Variants in CRIM1 observed in about 807,000 individuals in gnomAD.
The protein encoded by CRIM1 is cysteine rich transmembrane BMP regulator 1.
In CRIM1, 32 loss-of-function variants were observed where a neutral mutation model predicts 116.4. The ratio of observed to expected loss-of-function variants is 0.27; its 90% CI spans 0.21 to 0.37. The LOEUF (loss-of-function observed/expected upper bound fraction) is 0.37, where lower values mean the gene tolerates loss of function less well. Among genes scored for constraint, CRIM1 ranks in the 10% least tolerant of loss-of-function variants. The pLI is 1.00. For missense variants in CRIM1, 1,331 were observed against 1,354.8 expected (o/e 0.98, Z 0.28); for synonymous variants, 590 against 509.2 (o/e 1.16, Z -2.13).
chr2:36,516,917 C>G (rs1159916890), intron 11 of CRIM1, among the ~76,000 whole-genome samples: 1 of 152,158 alleles, frequency 6.6e-6, no homozygotes, highest in African/African-American at 2.4e-5. Context: ...AATGAAATAA[C>G]ACATGTGAAG....
chr2:36,361,813 C>T (rs1041350249), intron 1 of CRIM1, among the ~76,000 whole-genome samples: 5 of 152,062 alleles, frequency 3.3e-5, no homozygotes, highest in Non-Finnish European at 7.4e-5. Flanking sequence ...CACTGTGTTC[C>T]GTATGGCACG....
chr2:36,546,496 C>CTGAT (rs1042568376), intron 15 of CRIM1, among the ~76,000 whole-genome samples: 2 of 152,074 alleles, frequency 1.3e-5, no homozygotes, highest in African/African-American at 4.8e-5. Flanking sequence ...GACCAACTTC[C>CTGAT]TGATTGATTA....
intron 2 of CRIM1, among the ~76,000 whole-genome samples, chr2:36,404,480 C>T (rs1016130883): frequency 2.0e-5 from 3 of 152,092 alleles, no homozygotes; most frequent in East Asian, 1.9e-4. Flanking sequence ...AAGTACCTTC[C>T]GAGGCGACCG....
chr2:36,381,594 A>G (rs1558519713), intron 1 of CRIM1, among the ~76,000 whole-genome samples: 2 of 152,204 alleles, frequency 1.3e-5, no homozygotes, highest in Non-Finnish European at 2.9e-5. Flanking sequence ...CACTTTAGAA[A>G]CCAAGTATAT....
At chr2:36,433,666 C>T (rs1020114954) in intron 2 of CRIM1, among the ~76,000 whole-genome samples, 4 of 152,142 alleles carry the variant, frequency 2.6e-5, no homozygotes, top group Non-Finnish European at 4.4e-5. Context: ...GAGGTGGGAT[C>T]CAGACAGTGG....
At chr2:36,512,157 A>G in intron 9 of CRIM1, 116 bp from the exon 10 acceptor site, 1 of 1,260,214 alleles carries the variant, frequency 7.9e-7, no homozygotes, top group South Asian at 1.5e-5. Context: ...TTGAGAGCAA[A>G]AGTCAAGTCA....
Position 36,455,496 on chromosome 2 carries a change from C to G in CRIM1, c.870-9038C>G, listed in dbSNP as rs149732480. Among the ~76,000 whole-genome samples the G allele has an allele frequency of 3.6e-3, 553 of 152,278 alleles. 5 individuals carry two copies. Among genetic ancestry groups the G allele is most frequent in the African/African-American group, 0.012 (503 of 41,554 alleles). ...CAAGGTCACATAGTTCCTAAGCGGC[C>G]AGAACTTGAACCTAAGACTGTGTTG... On this transcript the variant is annotated intron_variant, in intron 4 of 16. Coordinates refer to ENST00000280527, the MANE Select transcript of CRIM1 (RefSeq NM_016441.3).
chr2:36,512,542 T>C, intron 10 of CRIM1, 148 bp downstream of exon 10: 1 of 734,466 alleles, frequency 1.4e-6, no homozygotes, highest in Non-Finnish European at 2.1e-6. Flanking sequence ...CCCACAGGAC[T>C]CCCTTTTCCT....
chr2:36,358,820 A>G (rs1669029830), intron 1 of CRIM1, among the ~76,000 whole-genome samples: 1 of 152,202 alleles, frequency 6.6e-6, no homozygotes, highest in Non-Finnish European at 1.5e-5. Context: ...AAATCTGTGA[A>G]ACCAAAGTAA....
At chr2:36,460,526 A>ACCGGG (rs1223037418) in intron 4 of CRIM1, among the ~76,000 whole-genome samples, 10 of 152,200 alleles carry the variant, frequency 6.6e-5, no homozygotes, top group African/African-American at 1.9e-4. Flanking sequence ...GTGAATACTT[A>ACCGGG]TCGTAAGTGA....
intron 1 of CRIM1, among the ~76,000 whole-genome samples, chr2:36,367,983 G>C (rs573595229): frequency 1.3e-5 from 2 of 152,302 alleles, no homozygotes; most frequent in South Asian, 2.1e-4. Context: ...AGCGAAGACA[G>C]GCCAAAACTT....
chr2:36,421,988 T>C (rs1428206699), intron 2 of CRIM1, among the ~76,000 whole-genome samples: 1 of 152,048 alleles, frequency 6.6e-6, no homozygotes, highest in Non-Finnish European at 1.5e-5. Flanking sequence ...GAGAATTCTA[T>C]TTTTGCTAAA....
intron 2 of CRIM1, among the ~76,000 whole-genome samples, chr2:36,414,501 C>T (rs1242322373): frequency 6.7e-6 from 1 of 150,320 alleles, no homozygotes; most frequent in Non-Finnish European, 1.5e-5. Context: ...AGGTTCTAGT[C>T]CCCCCCCGAG....
At chr2:36,507,612 A>AT (rs1022865474) in intron 8 of CRIM1, among the ~76,000 whole-genome samples, 2 of 152,244 alleles carry the variant, frequency 1.3e-5, no homozygotes, top group African/African-American at 4.8e-5. Flanking sequence ...GCACTAGAGC[A>AT]TCCCACTCCT....
At chr2:36,421,171 T>C (rs754624581) in intron 2 of CRIM1, among the ~76,000 whole-genome samples, 1 of 152,220 alleles carries the variant, frequency 6.6e-6, no homozygotes, top group Non-Finnish European at 1.5e-5. Flanking sequence ...GTAAGATGAA[T>C]ACAGAGATAC....
At chr2:36,408,615 C>G (rs1317703071) in intron 2 of CRIM1, among the ~76,000 whole-genome samples, 1 of 152,230 alleles carries the variant, frequency 6.6e-6, no homozygotes, top group East Asian at 1.9e-4. Flanking sequence ...TTCTCCGCCT[C>G]CTGCAGAGCG....
intron 7 of CRIM1, among the ~76,000 whole-genome samples, chr2:36,496,631 ATTTG>A (rs1464436438): frequency 2.6e-5 from 4 of 152,190 alleles, no homozygotes. Context: ...ATGCAATTTT[ATTTG>A]TTCAAGTGAA....
intron 8 of CRIM1, among the ~76,000 whole-genome samples, chr2:36,506,133 GCA>G (rs142839402): frequency 9.2e-4 from 126 of 136,494 alleles, no homozygotes; most frequent in South Asian, 3.7e-3. Context: ...ATTGCAGGGT[GCA>G]CACACACACA....
At chr2:36,463,598 C>A (rs180681551) in intron 4 of CRIM1, among the ~76,000 whole-genome samples, 1 of 152,310 alleles carries the variant, frequency 6.6e-6, no homozygotes, top group African/African-American at 2.4e-5. Context: ...GCGGCTCTTT[C>A]CTCATCTTAC....
Sources: gnomAD v4.1 joint callset for allele counts (sites outside exome capture counted in the v4.1 genomes callset) on GRCh38, gnomAD v4.1.1 for gene constraint, MANE v1.5 for transcripts, NCBI Gene and HGNC (gene_info 2026-07-23, HGNC 2026-07-21) for gene names.